LAMA1: variants seen among roughly 807,000 people sequenced by gnomAD.
The protein encoded by LAMA1 is laminin subunit alpha-1.
In LAMA1, 219 loss-of-function variants were observed where a neutral mutation model predicts 348.7. That is an observed-to-expected ratio of 0.63 (90% CI 0.56 to 0.70). LAMA1 has a LOEUF of 0.70. LAMA1 is among the 30% of genes least tolerant of loss of function. The pLI, the probability that LAMA1 is intolerant of heterozygous loss-of-function variation, is 0.00. For synonymous variants in LAMA1, 1,487 were observed against 1,491.0 expected, an observed-to-expected ratio of 1.00 and a Z score of 0.06; for missense variants, 3,744 against 3,888.0, an observed-to-expected ratio of 0.96 and a Z score of 0.99.
chr18:7,017,278 C>G lies in LAMA1; in HGVS notation c.2808G>C (p.Leu936Phe), dbSNP rs200562970. ...TGTCAATTAGTCACATGCATCTTAC[C>G]AAGCACTGGTCACACTGCTGTCCAG... ...NVTGQQCDQC[L>F]HGYYGLDSGH... Residue 936 changes from leucine to phenylalanine, a missense_variant and splice_region_variant, in exon 20 of 63, where the codon TTG becomes TTC. By Grantham distance (22) the Leu-to-Phe change is conservative (BLOSUM62 0). Around this residue, in one of 3 missense-constraint regions of LAMA1, gnomAD observed 1,529 missense variants for 1,689.4 expected, o/e 0.91. Coordinates refer to ENST00000389658, the MANE Select transcript of LAMA1 (RefSeq NM_005559.4). 1.2e-6 allele frequency: 2 copies of G among 1,610,830 alleles called. No homozygotes were observed. Among genetic ancestry groups the G allele is most frequent in the African/African-American group, 2.7e-5 (2 of 74,926 alleles).
chr18:7,082,766 C>T (rs1008473589), intron 1 of LAMA1, among the ~76,000 whole-genome samples: 2 of 152,216 alleles, frequency 1.3e-5, no homozygotes, highest in Non-Finnish European at 2.9e-5. Context: ...ACAATCAACT[C>T]TATCCATTCC....
chr18:7,075,531 A>G (rs778933267), intron 3 of LAMA1, among the ~76,000 whole-genome samples: 26 of 152,156 alleles, frequency 1.7e-4, no homozygotes, highest in Non-Finnish European at 3.8e-4. Context: ...CTGAGGCAGG[A>G]GAATCGCTTG....
intron 35 of LAMA1, 76 bp downstream of exon 35, chr18:6,993,565 C>T: frequency 9.6e-7 from 1 of 1,041,360 alleles, no homozygotes; most frequent in East Asian, 2.4e-5. Context: ...TACATCTATT[C>T]ATATGTTTAA....
At chr18:6,974,778 ATTGT>A in intron 46 of LAMA1, 121 bp downstream of exon 46, 2 of 1,271,528 alleles carry the variant, frequency 1.6e-6, no homozygotes, top group Non-Finnish European at 2.3e-6. Flanking sequence ...TAAACCAAGT[ATTGT>A]TTGGTTATAA....
At chr18:6,950,367 C>T (rs141715040) in intron 58 of LAMA1, among the ~76,000 whole-genome samples, 10 of 152,328 alleles carry the variant, frequency 6.6e-5, no homozygotes, top group Non-Finnish European at 1.5e-4. Context: ...AGTGCATTTG[C>T]TTTTCTGGGC....
At chr18:6,957,968 G>A (rs1022389363) in intron 55 of LAMA1, among the ~76,000 whole-genome samples, 17 of 152,090 alleles carry the variant, frequency 1.1e-4, no homozygotes, top group African/African-American at 2.4e-5. Context: ...TTTTAGTAGA[G>A]ACGGGGTTTC....
Position 6,997,750 on chromosome 18 carries a change from A to G in LAMA1, c.4798T>C (p.Tyr1600His). 1 of 1,613,688 alleles carries G rather than the reference A, an allele frequency of 6.2e-7. No homozygotes were observed. Among genetic ancestry groups the G allele is most frequent in the Non-Finnish European group, 8.5e-7 (1 of 1,179,600 alleles). The change falls in exon 33 of 63, where the codon TAT becomes CAT. Residue 1600 changes from tyrosine to histidine, a missense_variant. Physicochemically the swap from Tyr to His is moderately conservative, Grantham distance 83 (BLOSUM62 2). This residue lies in a region of LAMA1 where 1,983 missense variants were observed against 1,934.3 expected (regional missense o/e 1.03). Transcript: ENST00000389658. ...GTATTTCCAGTACCTACCTGGAGAT[A>G]TTTAGTTGTATTTTCCAGGTTTGAC... ...ILSNLENTTK[Y>H]LQESLLKENM... is the part of the protein sequence containing the mutation.
chr18:7,040,168 C>T lies in LAMA1; in HGVS notation c.1330G>A (p.Gly444Ser). The T allele has an allele frequency of 6.2e-7, 1 of 1,614,124 alleles. No individual in the cohort carries two copies. The highest frequency in any genetic ancestry group is 1.6e-4 in the Middle Eastern group (1 of 6,062). The change falls in exon 10 of 63, where the codon GGC becomes AGC. Residue 444 changes from glycine (G) to serine (S), a missense_variant. Gly to Ser is a moderately conservative substitution (Grantham distance 56). Around this residue, in one of 3 missense-constraint regions of LAMA1, gnomAD observed 1,529 missense variants for 1,689.4 expected, o/e 0.91. Coordinates refer to ENST00000389658, the MANE Select transcript of LAMA1 (RefSeq NM_005559.4). ...ACACAGGTCGGGTAATCCTTATAGC[C>T]AAGTTGGCAGCGATCACATTTTTCT... is the stretch of plus-strand genomic sequence containing the variant. ...TGEKCDRCQL[G>S]YKDYPTCVSC...
intron 28 of LAMA1, among the ~76,000 whole-genome samples, chr18:7,008,063 G>T (rs2057841331): frequency 6.6e-6 from 1 of 152,076 alleles, no homozygotes; most frequent in African/African-American, 2.4e-5. Flanking sequence ...CTCCTGAGTA[G>T]CTGGGATTAC....
intron 45 of LAMA1, 130 bp downstream of exon 45, chr18:6,975,807 G>T: frequency 9.5e-7 from 1 of 1,057,068 alleles, no homozygotes; most frequent in Non-Finnish European, 1.4e-6. Context: ...TTTTAACAAA[G>T]GTTAGTCCCT....
intron 3 of LAMA1, among the ~76,000 whole-genome samples, chr18:7,074,834 G>C (rs999999259): frequency 1.6e-5 from 2 of 126,028 alleles, no homozygotes; most frequent in Non-Finnish European, 3.1e-5. Context: ...TATTCCTCTT[G>C]TAATACATTA....
In LAMA1 at chr18:7,015,797, G is replaced by A. The variant is rs377710246; in HGVS notation, c.3051C>T (p.Pro1017=). 2 of 1,613,978 alleles carry A rather than the reference G, an allele frequency of 1.2e-6. No homozygotes were observed. Among genetic ancestry groups the A allele is most frequent in the African/African-American group, 2.7e-5 (2 of 74,894 alleles). Residue 1017 remains proline (P), a synonymous_variant, in exon 22 of 63, where the codon CCC becomes CCT. Transcript: ENST00000389658. ...CACACTTCACACCCTGTGTGTGAGG[G>A]GGGCAGACACACTCTCCAGTTTCTG... ...CDPETGECVC[P]PHTQGVKCEE...
intron 14 of LAMA1, among the ~76,000 whole-genome samples, chr18:7,033,310 G>C (rs1002603974): frequency 1.3e-5 from 2 of 152,042 alleles, no homozygotes; most frequent in African/African-American, 4.8e-5. Context: ...TACAAAATTA[G>C]CCGGGCGTGG....
In LAMA1 at chr18:7,023,288, C is replaced by G. The variant is rs1280730635; in HGVS notation, c.2577G>C (p.Glu859Asp). 4 of 1,614,174 alleles carry G rather than the reference C, an allele frequency of 2.5e-6. No homozygotes were observed. The highest frequency in any genetic ancestry group is 3.4e-6 in the Non-Finnish European group (4 of 1,180,036). Residue 859 changes from glutamate (E) to aspartate (D), a missense_variant, in exon 19 of 63, where the codon GAG (glutamate) becomes GAC (aspartate). Glu to Asp is a conservative substitution (Grantham distance 45, BLOSUM62 2). This residue lies in a region of LAMA1 where 1,529 missense variants were observed against 1,689.4 expected (regional missense o/e 0.91). Transcript: ENST00000389658. ...CGGTGACTGAGTCACAGTGACCAGC[C>G]TCCGAGGGGTCCACGTTGCCGCTGC... ...CDCSGNVDPS[E>D]AGHCDSVTGE... is the part of the protein sequence containing the mutation.
chr18:6,952,949 A>C (rs1361810998), intron 57 of LAMA1, among the ~76,000 whole-genome samples: 2 of 121,478 alleles, frequency 1.6e-5, no homozygotes, highest in Admixed American at 8.4e-5. Context: ...GTGGATCCAC[A>C]CCATGGGAGC....
chr18:7,069,839 C>G (rs1038621443), intron 3 of LAMA1, among the ~76,000 whole-genome samples: 2 of 151,912 alleles, frequency 1.3e-5, no homozygotes, highest in South Asian at 4.2e-4. Flanking sequence ...CTCCCCTAAG[C>G]TGCTCCAAGT....
intron 1 of LAMA1, among the ~76,000 whole-genome samples, chr18:7,085,679 A>C (rs1245916579): frequency 6.6e-6 from 1 of 151,820 alleles, no homozygotes; most frequent in African/African-American, 2.4e-5. Flanking sequence ...CAGCCTCCCA[A>C]AGTGCTGGGA....
At chr18:7,007,913 TTTTATTTA>T (rs58519890) in intron 28 of LAMA1, among the ~76,000 whole-genome samples, 20 of 136,740 alleles carry the variant, frequency 1.5e-4, no homozygotes, top group Admixed American at 4.4e-4. Flanking sequence ...ATTACTCCAC[TTTTATTTA>T]TTTATTTATT....
intron 47 of LAMA1, 119 bp from the exon 48 acceptor site, chr18:6,972,100 G>C (rs1048472428): frequency 6.5e-6 from 8 of 1,235,506 alleles, no homozygotes; most frequent in Non-Finnish European, 9.3e-6. Flanking sequence ...AATTTTGAGA[G>C]AGCCACATTA....
Sources: allele counts gnomAD v4.1 joint callset (sites outside exome capture counted in the v4.1 genomes callset), GRCh38; gene constraint gnomAD v4.1.1; regional missense constraint gnomAD v4.1.1; transcripts MANE v1.5; gene names NCBI Gene and HGNC (gene_info 2026-07-23, HGNC 2026-07-21).